The following PAPPA variants were observed in gnomAD, a reference collection of about 807,000 sequenced individuals.
PAPPA encodes pappalysin-1.
PAPPA carries 60 observed loss-of-function variants against 164.0 expected under a neutral mutation model. That is an observed-to-expected ratio of 0.37 (90% CI 0.30 to 0.45). The LOEUF (loss-of-function observed/expected upper bound fraction) is 0.45. PAPPA is among the 20% of genes least tolerant of loss of function. The probability of loss-of-function intolerance (pLI) is 1.00; values close to 1 mark genes in which losing one functional copy is unlikely to be tolerated. For missense variants in PAPPA, 1,782 were observed against 2,087.3 expected (o/e 0.85, Z 2.85); for synonymous variants, 875 against 814.1 (o/e 1.07, Z -1.27).
chr9:116,328,770 T>C (rs1845952394), intron 10 of PAPPA, among the ~76,000 whole-genome samples: 1 of 152,180 alleles, frequency 6.6e-6, no homozygotes, highest in Non-Finnish European at 1.5e-5. Context: ...AACTTCTTCA[T>C]GGAATCCAAG....
At chr9:116,327,696 C>G (rs1845938885) in intron 10 of PAPPA, among the ~76,000 whole-genome samples, 1 of 152,180 alleles carries the variant, frequency 6.6e-6, no homozygotes. Flanking sequence ...GGGCAAGGCT[C>G]TTTTGTTTGC....
chr9:116,334,713 A>T, intron 12 of PAPPA, 148 bp from the exon 13 acceptor site: 1 of 618,350 alleles, frequency 1.6e-6, no homozygotes, highest in Non-Finnish European at 2.9e-6. Flanking sequence ...ACTTTCAATC[A>T]GACTCAAAAT....
intron 7 of PAPPA, among the ~76,000 whole-genome samples, chr9:116,258,461 A>G (rs1844958855): frequency 6.6e-6 from 1 of 151,970 alleles, no homozygotes; most frequent in African/African-American, 2.4e-5. Context: ...GTTTGATACC[A>G]GCCTGACGAA....
At chr9:116,374,525 AATAGTG>A (rs1470440576) in intron 19 of PAPPA, among the ~76,000 whole-genome samples, 1 of 152,204 alleles carries the variant, frequency 6.6e-6, no homozygotes, top group Non-Finnish European at 1.5e-5. Flanking sequence ...AGCCCTGAGT[AATAGTG>A]GAAAATCCAA....
At chr9:116,340,145 G>T (rs998406179) in intron 13 of PAPPA, among the ~76,000 whole-genome samples, 6 of 151,902 alleles carry the variant, frequency 3.9e-5, no homozygotes, top group Non-Finnish European at 7.4e-5. Flanking sequence ...TCCTTCTTTT[G>T]TTATTTTTAT....
At chr9:116,223,613 A>G (rs1283247197) in intron 5 of PAPPA, among the ~76,000 whole-genome samples, 1 of 152,222 alleles carries the variant, frequency 6.6e-6, no homozygotes, top group Non-Finnish European at 1.5e-5. Context: ...AACATATCTA[A>G]TTAGGGTTAG....
intron 9 of PAPPA, among the ~76,000 whole-genome samples, chr9:116,288,225 C>A (rs1281847533): frequency 6.6e-6 from 1 of 152,104 alleles, no homozygotes; most frequent in South Asian, 2.1e-4. Context: ...AAAAATTAGC[C>A]GAGTGTAGTG....
chr9:116,391,859 G>A (rs2118728060), intron 21 of PAPPA, among the ~76,000 whole-genome samples: 1 of 152,302 alleles, frequency 6.6e-6, no homozygotes, highest in South Asian at 2.1e-4. Context: ...AGGCCGCCTG[G>A]GGGAGAAGGT....
rs150638497 is a variant in PAPPA, at chr9:116,187,277, G to A, written c.539G>A (p.Arg180Gln). The change falls in exon 2 of 22, where the codon CGG becomes CAG. Residue 180 changes from arginine to glutamine, a missense_variant. This residue lies in a region of PAPPA where 458 missense variants were observed against 430.3 expected (regional missense o/e 1.06). Coordinates refer to ENST00000328252, the MANE Select transcript of PAPPA (RefSeq NM_002581.5). The surrounding 1 kb of genome is among the most constrained non-coding windows in gnomAD (Gnocchi z 4.2). The stretch of plus-strand genomic sequence containing the variant: ...TTCTCCTTGAAGACAGACCGAGCCC[G>A]GCAAGTGACCACCATCAATGCCCAC... ...YFFSLKTDRARQVTTINAHRS... is the reference protein window; with the variant it reads ...YFFSLKTDRAQQVTTINAHRS... 2.7e-5 allele frequency: 43 copies of A among 1,613,962 alleles called. No homozygotes were observed. The highest frequency in any genetic ancestry group is 4.4e-5 in the South Asian group (4 of 91,070).
chr9:116,271,261 T>C lies in PAPPA; in HGVS notation c.2862-64T>C, dbSNP rs1432990805. On this transcript the variant is annotated intron_variant, in intron 8 of 21. Transcript: ENST00000328252. The surrounding 1 kb of genome is among the most constrained non-coding windows in gnomAD (Gnocchi z 4.2). ...AGGTTCATGGCCCAGGGAGGGACTT[T>C]TCCATGTCCAGCCATGGTTTTAAGA... is the stretch of plus-strand genomic sequence containing the variant. The C allele has an allele frequency of 8.6e-7, 1 of 1,161,104 alleles. No individual in the cohort carries two copies. Among genetic ancestry groups the C allele is most frequent in the African/African-American group, 1.5e-5 (1 of 66,126 alleles). The allele number at this position is 1,161,104 out of a possible 1,614,324, so 71.9% of individuals were successfully genotyped here.
chr9:116,377,388 A>T (rs1186615900), intron 19 of PAPPA, among the ~76,000 whole-genome samples, 188 bp from the exon 20 acceptor site: 2 of 152,162 alleles, frequency 1.3e-5, no homozygotes, highest in Non-Finnish European at 2.9e-5. Context: ...CGGTGAACAC[A>T]AATATTATTT....
At chr9:116,382,175 G>A (rs1210196308) in intron 20 of PAPPA, among the ~76,000 whole-genome samples, 1 of 152,090 alleles carries the variant, frequency 6.6e-6, no homozygotes, top group Non-Finnish European at 1.5e-5. Context: ...GGAAAAAACT[G>A]GGTAAGAGTC....
At chr9:116,337,980 G>C (rs1471924898) in intron 13 of PAPPA, among the ~76,000 whole-genome samples, 1 of 152,144 alleles carries the variant, frequency 6.6e-6, no homozygotes, top group Non-Finnish European at 1.5e-5. Context: ...AAGGAGAAAA[G>C]GTGGGGAGGG....
intron 7 of PAPPA, among the ~76,000 whole-genome samples, chr9:116,263,561 C>G (rs1331397308): frequency 3.3e-5 from 5 of 152,118 alleles, no homozygotes; most frequent in Non-Finnish European, 7.4e-5. Context: ...AATGGATTAA[C>G]ATTTATTAAA....
intron 7 of PAPPA, among the ~76,000 whole-genome samples, chr9:116,237,956 T>A (rs1458556517): frequency 6.6e-6 from 1 of 152,026 alleles, no homozygotes; most frequent in African/African-American, 2.4e-5. Flanking sequence ...CCTGACCTCA[T>A]GATCTGCCTA....
chr9:116,336,614 C>T (rs913322854), intron 13 of PAPPA, among the ~76,000 whole-genome samples: 8 of 152,140 alleles, frequency 5.3e-5, no homozygotes, highest in African/African-American at 1.7e-4. Context: ...GAATTCTCGA[C>T]GAATGGTGTC....
rs535659220 is a variant in PAPPA, at chr9:116,181,764, A to C, written c.416-5390A>C. Among the ~76,000 whole-genome samples the C allele has an allele frequency of 2.0e-5, 3 of 152,396 alleles. No individual in the cohort carries two copies. The East Asian group carries it at 5.8e-4, about 29-fold the overall frequency. On this transcript the variant is annotated intron_variant, in intron 1 of 21. Transcript: ENST00000328252. ...ATCCAGATGTCGAAGGACAAGCTCA[A>C]GTAAGCACTCCAGATGGACAACTAT...
chr9:116,320,938 G>A (rs1032713760), intron 10 of PAPPA, among the ~76,000 whole-genome samples: 1 of 152,144 alleles, frequency 6.6e-6, no homozygotes, highest in Non-Finnish European at 1.5e-5. Context: ...AGTGGGAGAG[G>A]CCCTGAACCT....
At chr9:116,362,515 T>C (rs1477381480) in intron 17 of PAPPA, 77 bp from the exon 18 acceptor site, 12 of 1,461,376 alleles carry the variant, frequency 8.2e-6, no homozygotes, top group Non-Finnish European at 1.1e-5. Flanking sequence ...AAAATTCTTT[T>C]CTGTTGTATT....
Sources: allele counts gnomAD v4.1 joint callset (sites outside exome capture counted in the v4.1 genomes callset), GRCh38; gene constraint gnomAD v4.1.1; regional missense constraint gnomAD v4.1.1; non-coding constraint Gnocchi (gnomAD v3.1); transcripts MANE v1.5; gene names NCBI Gene and HGNC (gene_info 2026-07-23, HGNC 2026-07-21).